Variants in NLRP14 observed in about 807,000 individuals in gnomAD.
NLRP14 encodes the protein NLR family pyrin domain containing 14, also known as NACHT, LRR and PYD domains-containing protein 14.
A neutral mutation model predicts 94.7 loss-of-function variants in NLRP14; 105 were observed. The observed-to-expected ratio is 1.11, with a 90% CI of 0.95 to 1.30. The LOEUF is 1.30. NLRP14 is among the 50% of genes most tolerant of loss of function. The pLI is 0.00. For synonymous variants in NLRP14, 508 were observed against 459.9 expected, an observed-to-expected ratio of 1.10 and a Z score of -1.34; for missense variants, 1,362 against 1,254.1, an observed-to-expected ratio of 1.09 and a Z score of -1.30.
downstream of NLRP14, among the ~76,000 whole-genome samples, chr11:7,075,148 A>T (rs1034036838): frequency 1.2e-4 from 19 of 152,174 alleles, no homozygotes; most frequent in Middle Eastern, 3.4e-3. Flanking sequence ...ATGAATGGGA[A>T]CTCAGCTTCC....
chr11:7,084,078 G>A, the NLRP14 span, among the ~76,000 whole-genome samples: 4 of 152,262 alleles, frequency 2.6e-5, no homozygotes, highest in South Asian at 6.2e-4. Context: ...AAACATAGAG[G>A]TGGCCTTCCA....
At chr11:7,079,939 C>A in the NLRP14 span, among the ~76,000 whole-genome samples, 4 of 151,912 alleles carry the variant, frequency 2.6e-5, no homozygotes, top group Admixed American at 2.6e-4. Flanking sequence ...GTGGGAGAAG[C>A]CATTGCGATA....
At chr11:7,090,109 A>G in the NLRP14 span, 6 of 1,612,346 alleles carry the variant, frequency 3.7e-6, no homozygotes, top group South Asian at 2.2e-5. Flanking sequence ...AGCAGCAGTT[A>G]TGGCCGGAGC....
At position 7,058,287 on chromosome 11, in the gene NLRP14, A is replaced by G. The variant is rs1441320347; in HGVS notation, c.2470A>G (p.Ser824Gly). ...CATCTCTTTCTCTTTCAGCTTAGAAAGCTGTGGTCTCACAGAGGCTGGCTG... is the reference window on the plus strand; with the variant it reads ...CATCTCTTTCTCTTTCAGCTTAGAAGGCTGTGGTCTCACAGAGGCTGGCTG... The part of the protein sequence containing the change: ...KCYLERLSLE[S>G]CGLTEAGCEY... The change falls in exon 8 of 12, where the codon AGC becomes GGC. Residue 824 changes from serine (S) to glycine (G), a missense_variant. Physicochemically the swap from Ser to Gly is moderately conservative, Grantham distance 56 (BLOSUM62 0). Transcript: ENST00000299481. 6.2e-7 allele frequency: 1 copy of G among 1,612,242 alleles called. No homozygotes were observed. The highest frequency in any genetic ancestry group is 8.5e-7 in the Non-Finnish European group (1 of 1,178,692).
At chr11:7,039,890 C>T in intron 3 of NLRP14, 105 bp downstream of exon 3, 2 of 895,106 alleles carry the variant, frequency 2.2e-6, no homozygotes, top group Admixed American at 1.8e-5. Context: ...TTAACTTCTT[C>T]TAATACCCCA....
intron 9 of NLRP14, among the ~76,000 whole-genome samples, chr11:7,061,936 CT>C (rs1284712512): frequency 1.3e-5 from 2 of 152,004 alleles, no homozygotes; most frequent in African/African-American, 4.8e-5. Flanking sequence ...TTATATGTAG[CT>C]TTCTTCTTTG....
intron 4 of NLRP14, 99 bp from the exon 5 acceptor site, chr11:7,046,569 C>G: frequency 8.3e-7 from 1 of 1,202,682 alleles, no homozygotes. Flanking sequence ...CTTGCCTTTC[C>G]AAAGTACACT....
Position 7,023,544 on chromosome 11 carries a change from A to T in NLRP14, c.-22+2774A>T, listed in dbSNP as rs867127412. ...TATAAAATATATTTATATTTATATT[A>T]ATATATTTTATTTATATTTATATAT... On this transcript the variant is annotated intron_variant, in intron 1 of 11. Transcript: ENST00000299481. Among the ~76,000 whole-genome samples the T allele has an allele frequency of 8.9e-3, 1,119 of 125,588 alleles. 8 individuals carry two copies. The highest frequency in any genetic ancestry group is 0.02 in the African/African-American group (710 of 36,392). The allele number at this position is 125,588 out of a possible 152,430, so 82.4% of individuals were successfully genotyped here. A position where few individuals can be genotyped will look rare whatever the true frequency, so the allele number is the denominator to read the frequency against.
chr11:7,090,227 C>G, the NLRP14 span: 5 of 1,611,246 alleles, frequency 3.1e-6, no homozygotes, highest in South Asian at 2.2e-5. Flanking sequence ...GCCGGTCAGG[C>G]TGCAGGGTGC....
chr11:7,089,744 C>T, the NLRP14 span: 9 of 1,552,246 alleles, frequency 5.8e-6, no homozygotes, highest in Non-Finnish European at 7.8e-6. Flanking sequence ...CCTACCTGGG[C>T]CCGCGGGATG....
chr11:7,088,507 C>A, the NLRP14 span, among the ~76,000 whole-genome samples: 29 of 152,032 alleles, frequency 1.9e-4, 1 homozygote, highest in African/African-American at 6.5e-4. Context: ...ATAATATAAA[C>A]AATAAATCCA....
chr11:7,082,388 G>A, the NLRP14 span, among the ~76,000 whole-genome samples: 1 of 152,136 alleles, frequency 6.6e-6, no homozygotes, highest in South Asian at 2.1e-4. Flanking sequence ...TATTACTAGA[G>A]TCCCATTCAG....
At chr11:7,060,113 C>CT in intron 9 of NLRP14, 49 bp downstream of exon 9, 1 of 1,485,584 alleles carries the variant, frequency 6.7e-7, no homozygotes. Flanking sequence ...AACAGAGTGT[C>CT]TGGGGAGATA....
In NLRP14 at chr11:7,042,837, C is replaced by A. The variant is rs779403071; in HGVS notation, c.811C>A (p.Pro271Thr). 7.7e-5 allele frequency: 125 copies of A among 1,614,008 alleles called. No homozygotes were observed. Among genetic ancestry groups the A allele is most frequent in the Middle Eastern group, 1.6e-4 (1 of 6,084 alleles). Reference protein sequence around the residue: ...FDELNFAFEEPEFALCEDWTQ... With the variant: ...FDELNFAFEETEFALCEDWTQ... ...TGAACTGAACTTTGCCTTTGAAGAA[C>A]CTGAGTTTGCACTGTGCGAAGACTG... The change falls in exon 4 of 12, where the codon CCT becomes ACT. Residue 271 changes from proline to threonine, a missense_variant. Pro to Thr is a conservative substitution (Grantham distance 38). Transcript: ENST00000299481.
chr11:7,076,128 A>G (rs187877666), downstream of NLRP14, among the ~76,000 whole-genome samples: 160 of 152,288 alleles, frequency 1.1e-3, 1 homozygote, highest in Non-Finnish European at 1.5e-3. Flanking sequence ...TGATATTTTG[A>G]TCATTATGGA....
the NLRP14 span, chr11:7,090,099 A>G: frequency 1.2e-6 from 2 of 1,612,042 alleles, no homozygotes; most frequent in Non-Finnish European, 1.7e-6. Context: ...CGACAGTTAC[A>G]GCAGCAGTTA....
chr11:7,046,080 T>C (rs936198152), intron 4 of NLRP14, among the ~76,000 whole-genome samples: 4 of 152,184 alleles, frequency 2.6e-5, no homozygotes, highest in African/African-American at 7.2e-5. Flanking sequence ...ATAATTAAAT[T>C]ATAAAGTATT....
At chr11:7,063,522 A>G (rs936372881) in intron 10 of NLRP14, among the ~76,000 whole-genome samples, 1 of 151,958 alleles carries the variant, frequency 6.6e-6, no homozygotes, top group South Asian at 2.1e-4. Flanking sequence ...GGCCCAGGTA[A>G]AGCGCTGTCA....
At chr11:7,025,681 G>A (rs1424006922) in intron 1 of NLRP14, among the ~76,000 whole-genome samples, 1 of 151,966 alleles carries the variant, frequency 6.6e-6, no homozygotes, top group East Asian at 1.9e-4. Flanking sequence ...AAGATACGAG[G>A]CAAATGAGCA....
Sources: allele counts gnomAD v4.1 joint callset (sites outside exome capture counted in the v4.1 genomes callset), GRCh38; gene constraint gnomAD v4.1.1; transcripts MANE v1.5; gene names NCBI Gene and HGNC (gene_info 2026-07-23, HGNC 2026-07-21).